FSTL5: variants seen among roughly 807,000 people sequenced by gnomAD.
FSTL5 encodes follistatin like 5.
FSTL5 carries 62 observed loss-of-function variants against 89.1 expected under a neutral mutation model. The observed-to-expected ratio is 0.70, with a 90% CI of 0.57 to 0.86. FSTL5 has a LOEUF of 0.86. FSTL5 is among the 40% of genes least tolerant of loss of function. FSTL5 has a pLI of 0.00. For missense variants in FSTL5, 1,057 were observed against 1,001.6 expected, an observed-to-expected ratio of 1.06 and a Z score of -0.75; for synonymous variants, 383 against 346.2, an observed-to-expected ratio of 1.11 and a Z score of -1.18.
intron 4 of FSTL5, among the ~76,000 whole-genome samples, chr4:161,791,132 C>G (rs978660419): frequency 2.0e-5 from 3 of 151,534 alleles, no homozygotes; most frequent in African/African-American, 7.3e-5. Context: ...AAATTTAGCA[C>G]TTAATTTGTG....
intron 7 of FSTL5, among the ~76,000 whole-genome samples, chr4:161,630,735 G>C (rs926494662): frequency 9.2e-5 from 14 of 152,078 alleles, no homozygotes; most frequent in African/African-American, 3.1e-4. Flanking sequence ...ACTATATTAC[G>C]ATTCCAACAG....
intron 15 of FSTL5, among the ~76,000 whole-genome samples, chr4:161,398,712 T>C (rs551566797): frequency 6.6e-6 from 1 of 152,166 alleles, no homozygotes; most frequent in South Asian, 2.1e-4. Flanking sequence ...GAATAGGCAC[T>C]TTCTTATATT....
chr4:161,399,945 T>A (rs745899005), intron 15 of FSTL5, among the ~76,000 whole-genome samples: 3 of 152,150 alleles, frequency 2.0e-5, no homozygotes, highest in Non-Finnish European at 1.5e-5. Context: ...ATGTAAGCGA[T>A]TGTGTGAATA....
intron 15 of FSTL5, among the ~76,000 whole-genome samples, chr4:161,437,031 CA>C (rs1419286669): frequency 6.6e-6 from 1 of 152,020 alleles, no homozygotes; most frequent in Non-Finnish European, 1.5e-5. Flanking sequence ...ACAAATATGT[CA>C]ACAAATGTTT....
intron 6 of FSTL5, among the ~76,000 whole-genome samples, chr4:161,749,851 A>G (rs1353180861): frequency 6.6e-6 from 1 of 151,674 alleles, no homozygotes; most frequent in Non-Finnish European, 1.5e-5. Context: ...GGCTCTGGGG[A>G]CTCCAAAAAA....
rs909046482 is a variant in FSTL5 at position 161,385,500 on chromosome 4, C to T, written c.*247G>A. The stretch of plus-strand genomic sequence containing the variant: ...ACTTTATTGTTTAAAGCATAATTTA[C>T]ATATTTGATTCTTGTGACTGATGTG... On this transcript the variant is annotated 3_prime_UTR_variant, in exon 16 of 16. Coordinates refer to ENST00000306100, the MANE Select transcript of FSTL5 (RefSeq NM_020116.5). The T allele has an allele frequency of 2.5e-6, 1 of 398,738 alleles. No homozygotes were observed. Among genetic ancestry groups the T allele is most frequent in the Non-Finnish European group, 4.4e-6 (1 of 225,080 alleles). The allele number at this position is 398,738 out of a possible 1,614,324, so 24.7% of individuals were successfully genotyped here.
chr4:162,048,888 T>C (rs1738291809), intron 2 of FSTL5, among the ~76,000 whole-genome samples: 1 of 152,108 alleles, frequency 6.6e-6, no homozygotes, highest in South Asian at 2.1e-4. Context: ...GCTGAAACTG[T>C]AGACATTTTT....
chr4:161,506,743 C>T (rs1578885125), intron 11 of FSTL5, among the ~76,000 whole-genome samples: 2 of 152,088 alleles, frequency 1.3e-5, no homozygotes, highest in African/African-American at 4.8e-5. Flanking sequence ...TTTCCCCCAA[C>T]TGGATGACAT....
At chr4:162,069,204 C>G (rs1729493989) in intron 2 of FSTL5, among the ~76,000 whole-genome samples, 1 of 151,946 alleles carries the variant, frequency 6.6e-6, no homozygotes, top group Non-Finnish European at 1.5e-5. Flanking sequence ...GAACTGTACT[C>G]ATTAAAGCAT....
intron 15 of FSTL5, among the ~76,000 whole-genome samples, chr4:161,418,052 G>A (rs1731847623): frequency 6.6e-6 from 1 of 152,132 alleles, no homozygotes; most frequent in African/African-American, 2.4e-5. Context: ...AAGCTTACAA[G>A]TGCTCCCAAT....
At chr4:162,027,084 C>G (rs1474458806) in intron 3 of FSTL5, among the ~76,000 whole-genome samples, 1 of 152,016 alleles carries the variant, frequency 6.6e-6, no homozygotes, top group Non-Finnish European at 1.5e-5. Context: ...GAAACATGAC[C>G]AGTTACTTTT....
At chr4:161,629,719 A>G (rs4602454) in intron 7 of FSTL5, among the ~76,000 whole-genome samples, 42,612 of 152,004 alleles carry the variant, frequency 0.28, 6,239 homozygotes, top group African/African-American at 0.36. Flanking sequence ...CCATAGCTAT[A>G]TATGTTTTTG....
chr4:162,051,186 TA>T (rs974809841), intron 2 of FSTL5, among the ~76,000 whole-genome samples: 16 of 151,520 alleles, frequency 1.1e-4, no homozygotes, highest in Middle Eastern at 3.4e-3. Flanking sequence ...AAATGTTGAT[TA>T]AAAATATTGT....
intron 1 of FSTL5, among the ~76,000 whole-genome samples, chr4:162,133,616 G>A (rs1732407023): frequency 1.3e-5 from 2 of 152,014 alleles, no homozygotes; most frequent in Admixed American, 6.6e-5. Flanking sequence ...TTGTACATAA[G>A]GTGAGTATTT....
chr4:162,114,130 G>A (rs990215939), intron 1 of FSTL5, among the ~76,000 whole-genome samples: 4 of 152,060 alleles, frequency 2.6e-5, no homozygotes, highest in Admixed American at 1.3e-4. Context: ...ATGCTACAAA[G>A]CTTCTGAAAA....
intron 4 of FSTL5, among the ~76,000 whole-genome samples, chr4:161,912,794 T>G (rs1414059319): frequency 6.6e-6 from 1 of 152,024 alleles, no homozygotes; most frequent in Non-Finnish European, 1.5e-5. Context: ...GGTGGGAAAG[T>G]TTGGAAACTC....
At chr4:161,519,381 C>A (rs1206469327) in intron 10 of FSTL5, among the ~76,000 whole-genome samples, 3 of 151,932 alleles carry the variant, frequency 2.0e-5, no homozygotes, top group Non-Finnish European at 4.4e-5. Flanking sequence ...AAAAAATTAG[C>A]CAGGAGTGGT....
intron 6 of FSTL5, among the ~76,000 whole-genome samples, chr4:161,681,750 A>G (rs1014000145): frequency 5.3e-5 from 8 of 152,190 alleles, no homozygotes; most frequent in Non-Finnish European, 1.2e-4. Flanking sequence ...ATTTAATAAA[A>G]TAGATAAATT....
intron 7 of FSTL5, among the ~76,000 whole-genome samples, chr4:161,611,126 A>G (rs1734620181): frequency 7.7e-6 from 1 of 130,164 alleles, no homozygotes; most frequent in Non-Finnish European, 1.6e-5. Flanking sequence ...AAAGATACAT[A>G]TATATATATA....
Sources: allele counts gnomAD v4.1 joint callset (sites outside exome capture counted in the v4.1 genomes callset), GRCh38; gene constraint gnomAD v4.1.1; transcripts MANE v1.5; gene names NCBI Gene and HGNC (gene_info 2026-07-23, HGNC 2026-07-21).